The following LRP1B variants were observed in gnomAD, a reference collection of about 807,000 sequenced individuals.
LRP1B encodes the protein LDL receptor related protein 1B.
In LRP1B, 217 loss-of-function variants were observed where a neutral mutation model predicts 556.6. The ratio of observed to expected loss-of-function variants is 0.39; its 90% CI spans 0.35 to 0.44. LRP1B has a LOEUF of 0.44. Ranked by LOEUF, LRP1B falls within the 20% of genes least tolerant of loss-of-function variation. The pLI is 1.00. For synonymous variants in LRP1B, 2,047 were observed against 1,865.8 expected (o/e 1.10, Z -2.50); for missense variants, 5,053 against 5,620.8 (o/e 0.90, Z 3.23).
chr2:141,072,560 G>A (rs140545555), intron 7 of LRP1B, among the ~76,000 whole-genome samples: 2 of 151,886 alleles, frequency 1.3e-5, no homozygotes, highest in South Asian at 2.1e-4. Context: ...ACCACACACA[G>A]AATCTCACTC....
chr2:140,555,481 T>C (rs1680699579), intron 43 of LRP1B, among the ~76,000 whole-genome samples: 1 of 152,072 alleles, frequency 6.6e-6, no homozygotes, highest in Admixed American at 6.6e-5. Flanking sequence ...GTGTTTGTCA[T>C]AAGATTCTGG....
chr2:141,094,901 T>C (rs1700258117), intron 7 of LRP1B, among the ~76,000 whole-genome samples: 1 of 152,222 alleles, frequency 6.6e-6, no homozygotes. Flanking sequence ...CAACCCCTGT[T>C]ACGGTTTGAA....
intron 32 of LRP1B, among the ~76,000 whole-genome samples, chr2:140,788,064 T>A (rs1689970392): frequency 6.6e-6 from 1 of 152,190 alleles, no homozygotes; most frequent in African/African-American, 2.4e-5. Context: ...CTCTGGATGA[T>A]CATGAGTAAG....
chr2:141,211,190 G>A (rs149222994), intron 6 of LRP1B, among the ~76,000 whole-genome samples: 11,634 of 151,302 alleles, frequency 0.077, 487 homozygotes, highest in East Asian at 0.15. Context: ...GTTTCACCAC[G>A]TTGGCCAGGC....
intron 77 of LRP1B, among the ~76,000 whole-genome samples, chr2:140,343,179 T>G (rs566538003): frequency 6.6e-6 from 1 of 151,574 alleles, no homozygotes; most frequent in East Asian, 1.9e-4. Context: ...CATGAGAAAA[T>G]ATGTTCAAAC....
intron 3 of LRP1B, among the ~76,000 whole-genome samples, chr2:141,353,579 G>A (rs1346558960): frequency 6.6e-6 from 1 of 151,732 alleles, no homozygotes; most frequent in South Asian, 2.1e-4. Context: ...TTTAAGCATT[G>A]GGAACTGTGA....
At chr2:140,878,155 G>T (rs1036896145) in intron 25 of LRP1B, among the ~76,000 whole-genome samples, 2 of 152,040 alleles carry the variant, frequency 1.3e-5, no homozygotes, top group Non-Finnish European at 2.9e-5. Context: ...TAGATAATGG[G>T]TACAAGAGAG....
chr2:140,733,066 C>T (rs1687830621), intron 35 of LRP1B, among the ~76,000 whole-genome samples: 1 of 152,016 alleles, frequency 6.6e-6, no homozygotes, highest in South Asian at 2.1e-4. Flanking sequence ...AGCTATAAGC[C>T]TCATAGATCT....
At chr2:141,465,538 C>G (rs112316649) in intron 3 of LRP1B, among the ~76,000 whole-genome samples, 1 of 103,028 alleles carries the variant, frequency 9.7e-6, no homozygotes, top group African/African-American at 3.1e-5. Context: ...TACAGCACAG[C>G]ATGACTTTTT....
chr2:140,774,498 G>T (rs1689422869), intron 33 of LRP1B, among the ~76,000 whole-genome samples: 1 of 152,086 alleles, frequency 6.6e-6, no homozygotes. Context: ...GCATATGTTT[G>T]TTCACAGTTT....
intron 1 of LRP1B, among the ~76,000 whole-genome samples, chr2:141,931,738 G>C (rs1329904500): frequency 6.6e-6 from 1 of 151,906 alleles, no homozygotes; most frequent in East Asian, 1.9e-4. Context: ...TTTTAATTAA[G>C]ATGAATAAAT....
chr2:141,794,475 T>C (rs951025771), intron 2 of LRP1B, among the ~76,000 whole-genome samples: 1 of 151,892 alleles, frequency 6.6e-6, no homozygotes, highest in South Asian at 2.1e-4. Context: ...CCTGGCAAAA[T>C]CTACCTGAAG....
intron 37 of LRP1B, among the ~76,000 whole-genome samples, chr2:140,713,626 C>A (rs1038150203): frequency 1.6e-4 from 24 of 151,916 alleles, no homozygotes; most frequent in Admixed American, 1.5e-3. Flanking sequence ...GAAGGCATGA[C>A]CCTGGCAATT....
chr2:141,003,286 A>G (rs764576686), intron 15 of LRP1B, among the ~76,000 whole-genome samples: 17 of 152,088 alleles, frequency 1.1e-4, no homozygotes, highest in Non-Finnish European at 2.4e-4. Flanking sequence ...TGCTCATATT[A>G]AGTAAAAATG....
intron 21 of LRP1B, among the ~76,000 whole-genome samples, chr2:140,921,956 G>A (rs1265053801): frequency 6.6e-6 from 1 of 151,920 alleles, no homozygotes; most frequent in Admixed American, 6.6e-5. Flanking sequence ...TGTAATTATA[G>A]GGAGCAAAAG....
chr2:140,540,328 A>T (rs13353365), intron 45 of LRP1B, among the ~76,000 whole-genome samples: 217 of 152,216 alleles, frequency 1.4e-3, no homozygotes, highest in African/African-American at 5.1e-3. Context: ...AACCTTTTTT[A>T]AATTTTGCTT....
chr2:142,068,581 AT>A (rs938530489), intron 1 of LRP1B, among the ~76,000 whole-genome samples: 9 of 134,220 alleles, frequency 6.7e-5, no homozygotes, highest in African/African-American at 2.8e-4. Context: ...TATTGATGAT[AT>A]TTTTTTTCAC....
chr2:141,775,319 G>A (rs182816712), intron 2 of LRP1B, among the ~76,000 whole-genome samples: 1 of 152,222 alleles, frequency 6.6e-6, no homozygotes, highest in East Asian at 1.9e-4. Context: ...ATTGATTTTT[G>A]CCCTGTAGAA....
chr2:140,562,769 C>A (rs954629558), intron 43 of LRP1B, among the ~76,000 whole-genome samples: 1 of 151,892 alleles, frequency 6.6e-6, no homozygotes, highest in Non-Finnish European at 1.5e-5. Context: ...TACAGGCATG[C>A]ACCACCACAC....
Sources: gnomAD v4.1 joint callset for allele counts (sites outside exome capture counted in the v4.1 genomes callset) on GRCh38, gnomAD v4.1.1 for gene constraint, MANE v1.5 for transcripts, NCBI Gene and HGNC (gene_info 2026-07-23, HGNC 2026-07-21) for gene names.